Variants in CAMSAP1 observed in about 807,000 individuals in gnomAD.
CAMSAP1 encodes the protein calmodulin-regulated spectrin-associated protein 1.
CAMSAP1 carries 58 observed loss-of-function variants against 143.5 expected under a neutral mutation model. The observed-to-expected ratio is 0.40, with a 90% confidence interval of 0.33 to 0.50. The LOEUF (loss-of-function observed/expected upper bound fraction) is 0.50, where lower values mean the gene tolerates loss of function less well. CAMSAP1 is among the 20% of genes least tolerant of loss of function. The pLI is 0.45. For missense variants in CAMSAP1, 1,969 were observed against 2,115.7 expected (o/e 0.93, Z 1.36); for synonymous variants, 945 against 859.3 (o/e 1.10, Z -1.74).
intron 4 of CAMSAP1, among the ~76,000 whole-genome samples, chr9:135,865,958 AG>A (rs1411451222): frequency 6.6e-6 from 1 of 152,222 alleles, no homozygotes; most frequent in Non-Finnish European, 1.5e-5. Flanking sequence ...ATAACGTCAG[AG>A]GAAGAAAAAG....
At chr9:135,828,101 C>T (rs952053678) in intron 7 of CAMSAP1, among the ~76,000 whole-genome samples, 3 of 152,236 alleles carry the variant, frequency 2.0e-5, no homozygotes, top group Non-Finnish European at 4.4e-5. Flanking sequence ...CAGCTCCAGC[C>T]CCTGGGGGTC....
chr9:135,855,658 T>G (rs1185694186), intron 5 of CAMSAP1, among the ~76,000 whole-genome samples: 1 of 151,104 alleles, frequency 6.6e-6, no homozygotes, highest in African/African-American at 2.4e-5. Context: ...CAAGAATTGC[T>G]TGAATCCAGG....
chr9:135,818,310 C>T lies in CAMSAP1; in HGVS notation c.4168+98G>A. 1.5e-5 allele frequency: 20 copies of T among 1,338,338 alleles called. No individual in the cohort carries two copies. Among genetic ancestry groups the T allele is most frequent in the Non-Finnish European group, 2.0e-5 (20 of 988,590 alleles). 82.9% of individuals were successfully genotyped at this position (1,338,338 alleles called of 1,614,324 possible). On this transcript the variant is annotated intron_variant, in intron 13 of 16. Coordinates refer to ENST00000389532, the MANE Select transcript of CAMSAP1 (RefSeq NM_015447.4). This position sits in a 1 kb window ranked among gnomAD's most constrained non-coding sequence, Gnocchi z 7.7. Reference sequence around the variant, plus strand: ...ATAATCATCTCCACCCTTCCCGCCTCACACCACTCTTGATGACAAAATTGA... The same window carrying T: ...ATAATCATCTCCACCCTTCCCGCCTTACACCACTCTTGATGACAAAATTGA...
chr9:135,905,350 A>C (rs1269485968), intron 1 of CAMSAP1, among the ~76,000 whole-genome samples: 1 of 152,250 alleles, frequency 6.6e-6, no homozygotes. Flanking sequence ...CTTGCTAAAG[A>C]AATTGGAAAG....
At chr9:135,867,475 C>CCCCCCCT (rs1491489651) in intron 3 of CAMSAP1, among the ~76,000 whole-genome samples, 1 of 145,262 alleles carries the variant, frequency 6.9e-6, no homozygotes, top group Non-Finnish European at 1.5e-5. Context: ...CAAGACCCCC[C>CCCCCCCT]TCTTTTTTTT....
chr9:135,907,198 A>C lies in CAMSAP1; in HGVS notation c.-39T>G. On this transcript the variant is annotated 5_prime_UTR_variant, in exon 1 of 17. Transcript: ENST00000389532. ...GCTGAGGCGGCGGCCCGGCCGCAACAAAGGCGCCGCCGCCCCTCGCCGCGC... is the reference window on the plus strand; with the variant it reads ...GCTGAGGCGGCGGCCCGGCCGCAACCAAGGCGCCGCCGCCCCTCGCCGCGC... 1 of 1,052,448 alleles carries C rather than the reference A, an allele frequency of 9.5e-7. No homozygotes were observed. Among genetic ancestry groups the C allele is most frequent in the Non-Finnish European group, 1.1e-6 (1 of 873,048 alleles). The allele number at this position is 1,052,448 out of a possible 1,614,324, so 65.2% of individuals were successfully genotyped here.
At position 135,823,932 on chromosome 9, in the gene CAMSAP1, G is replaced by A; in HGVS notation, c.1400+18C>T. On this transcript the variant is annotated intron_variant, in intron 10 of 16. Coordinates refer to ENST00000389532, the MANE Select transcript of CAMSAP1 (RefSeq NM_015447.4). The stretch of plus-strand genomic sequence containing the variant: ...AAAAAACATTCCAAACAGAAACACT[G>A]CTGAAACACAGACTCACCTGGTTTT... The A allele has an allele frequency of 6.4e-7, 1 of 1,557,990 alleles. No homozygotes were observed. Among genetic ancestry groups the A allele is most frequent in the Non-Finnish European group, 8.7e-7 (1 of 1,147,722 alleles).
At chr9:135,895,515 G>C (rs1424622865) in intron 1 of CAMSAP1, among the ~76,000 whole-genome samples, 2 of 152,064 alleles carry the variant, frequency 1.3e-5, no homozygotes, top group African/African-American at 4.8e-5. Context: ...AGGAAATAAA[G>C]ATGTTTTCTG....
intron 4 of CAMSAP1, 177 bp downstream of exon 4, chr9:135,866,279 G>A (rs891147418): frequency 1.8e-5 from 10 of 541,320 alleles, no homozygotes; most frequent in African/African-American, 3.8e-5. Flanking sequence ...GCAGGCTGCC[G>A]TGGTCACATC....
intron 7 of CAMSAP1, among the ~76,000 whole-genome samples, chr9:135,841,585 C>A (rs1193962835): frequency 1.3e-5 from 2 of 152,220 alleles, no homozygotes; most frequent in Non-Finnish European, 2.9e-5. Flanking sequence ...TCAACAGACA[C>A]CTCATACAGG....
At chr9:135,890,472 G>A (rs931408270) in intron 1 of CAMSAP1, among the ~76,000 whole-genome samples, 10 of 152,174 alleles carry the variant, frequency 6.6e-5, no homozygotes, top group African/African-American at 2.4e-4. Context: ...CGTGCCAGGA[G>A]AGGTGGTAAA....
At chr9:135,904,086 G>A (rs1161238539) in intron 1 of CAMSAP1, among the ~76,000 whole-genome samples, 1 of 152,192 alleles carries the variant, frequency 6.6e-6, no homozygotes, top group African/African-American at 2.4e-5. Flanking sequence ...TACACAGGAG[G>A]TCTAAGTGCG....
rs769188997 is a variant in CAMSAP1 at position 135,818,517 on chromosome 9, T to C, written c.4059A>G (p.Leu1353=). The C allele has an allele frequency of 1.2e-6, 2 of 1,612,174 alleles. No individual in the cohort carries two copies. The highest frequency in any genetic ancestry group is 1.1e-5 in the South Asian group (1 of 91,044). ...EYLRRKQQQI[L]EEQGLGKPKS... ...TGGGCTTGCCGAGCCCCTGCTCCTC[T>C]AGGATCTGCTGCTGCTTCCTCCGCA... The change falls in exon 13 of 17, where the codon CTA becomes CTG. Residue 1353 remains leucine (L), a synonymous_variant. Transcript: ENST00000389532. This position sits in a 1 kb window ranked among gnomAD's most constrained non-coding sequence, Gnocchi z 7.7.
In CAMSAP1 at chr9:135,826,956, A is replaced by G. The variant is rs934543519; in HGVS notation, c.1223+451T>C. On this transcript the variant is annotated intron_variant, in intron 8 of 16. Coordinates refer to ENST00000389532, the MANE Select transcript of CAMSAP1 (RefSeq NM_015447.4). The surrounding 1 kb of genome is among the most constrained non-coding windows in gnomAD (Gnocchi z 4.4). Reference sequence around the variant, plus strand: ...GTTTAGCCTTTAAGCAGCTCTATACACTTTTTCACTCGAATCAAATTAATT... The same window carrying G: ...GTTTAGCCTTTAAGCAGCTCTATACGCTTTTTCACTCGAATCAAATTAATT... 3.9e-5 allele frequency among the ~76,000 whole-genome samples: 6 copies of G among 152,206 alleles called. No individual in the cohort carries two copies. Among genetic ancestry groups the G allele is most frequent in the African/African-American group, 1.4e-4 (6 of 41,458 alleles).
rs745777568 is a variant in CAMSAP1 at position 135,815,196 on chromosome 9, C to T, written c.4407G>A (p.Glu1469=). 1 of 1,612,958 alleles carries T rather than the reference C, an allele frequency of 6.2e-7. No individual in the cohort carries two copies. The highest frequency in any genetic ancestry group is 1.1e-5 in the South Asian group (1 of 90,764). The change falls in exon 16 of 17, where the codon GAG becomes GAA. Residue 1469 remains glutamate, a synonymous_variant. Coordinates refer to ENST00000389532, the MANE Select transcript of CAMSAP1 (RefSeq NM_015447.4). ...TCGGCTTGTTTGATTTACTACTGGG[C>T]TCCTTAAAGAGCTTGGGACCTAAGA... is the stretch of plus-strand genomic sequence containing the variant. ...AEYTGPKLFK[E]PSSKSNKPII... is the part of the protein sequence containing the mutation.
Position 135,815,190 on chromosome 9 carries a change from A to G in CAMSAP1, c.4413T>C (p.Ser1471=), listed in dbSNP as rs1417873186. 1.2e-6 allele frequency: 2 copies of G among 1,613,490 alleles called. No homozygotes were observed. The highest frequency in any genetic ancestry group is 1.7e-6 in the Non-Finnish European group (2 of 1,179,680). ...GAATAATCGGCTTGTTTGATTTACT[A>G]CTGGGCTCCTTAAAGAGCTTGGGAC... The part of the protein sequence containing the change: ...YTGPKLFKEP[S]SKSNKPIIHN... The change falls in exon 16 of 17, where the codon AGT becomes AGC. Residue 1471 remains serine, a synonymous_variant. Coordinates refer to ENST00000389532, the MANE Select transcript of CAMSAP1 (RefSeq NM_015447.4).
intron 7 of CAMSAP1, 177 bp downstream of exon 7, chr9:135,849,960 T>A: frequency 2.0e-6 from 1 of 511,406 alleles, no homozygotes. Flanking sequence ...GAATAGTTCA[T>A]CAAAATCACT....
chr9:135,817,715 C>T (rs556536464), intron 14 of CAMSAP1: 59 of 411,754 alleles, frequency 1.4e-4, no homozygotes, highest in African/African-American at 1.2e-3. Context: ...GGACTCAAAA[C>T]GATGAAGAAG....
Position 135,886,004 on chromosome 9 carries a change from G to A in CAMSAP1, c.161-2926C>T, listed in dbSNP as rs1838109167. ...GCTTCAGTGAAAGCAACTACTGCGA[G>A]AGCTGGATGTGCACAGTTCTAGAAC... On this transcript the variant is annotated intron_variant, in intron 1 of 16. Coordinates refer to ENST00000389532, the MANE Select transcript of CAMSAP1 (RefSeq NM_015447.4). Among the ~76,000 whole-genome samples the A allele has an allele frequency of 2.0e-5, 3 of 151,602 alleles. No individual in the cohort carries two copies. The South Asian group carries it at 6.2e-4, about 31-fold the overall frequency.
Sources: gnomAD v4.1 joint callset for allele counts (sites outside exome capture counted in the v4.1 genomes callset) on GRCh38, gnomAD v4.1.1 for gene constraint, Gnocchi (gnomAD v3.1) non-coding constraint, MANE v1.5 for transcripts, NCBI Gene and HGNC (gene_info 2026-07-23, HGNC 2026-07-21) for gene names.